VPS26A: variants seen among roughly 807,000 people sequenced by gnomAD.
VPS26A encodes the protein VPS26 retromer complex component A.
A neutral mutation model predicts 42.4 loss-of-function variants in VPS26A; 22 were observed. The ratio of observed to expected loss-of-function variants is 0.52; its 90% CI spans 0.37 to 0.74. The LOEUF (loss-of-function observed/expected upper bound fraction) is 0.74. VPS26A is among the 30% of genes least tolerant of loss of function. The pLI is 0.00. For missense variants in VPS26A, 276 were observed against 379.2 expected (o/e 0.73, Z 2.26); for synonymous variants, 110 against 123.5 (o/e 0.89, Z 0.73).
rs774712656 is a variant in VPS26A, at chr10:69,173,500, T to C, written c.*2231T>C. Reference sequence around the variant, plus strand: ...AGCTGGGCATGGTGGCATGCACCTGTATTTCCAGCTATTTAGGAAGCTGAG... The same window carrying C: ...AGCTGGGCATGGTGGCATGCACCTGCATTTCCAGCTATTTAGGAAGCTGAG... On this transcript the variant is annotated 3_prime_UTR_variant, in exon 9 of 9. Transcript: ENST00000263559. 5.9e-5 allele frequency among the ~76,000 whole-genome samples: 9 copies of C among 152,058 alleles called. No individual in the cohort carries two copies. Among genetic ancestry groups the C allele is most frequent in the Non-Finnish European group, 1.2e-4 (8 of 68,018 alleles).
Position 69,133,065 on chromosome 10 carries a change from C to T in VPS26A, c.153+18C>T. 1 of 1,602,450 alleles carries T rather than the reference C, an allele frequency of 6.2e-7. No individual in the cohort carries two copies. Among genetic ancestry groups the T allele is most frequent in the Non-Finnish European group, 8.5e-7 (1 of 1,176,328 alleles). ...CAGGAAAGGTAAATCTTCTGTTTGA[C>T]AAAACTATCTAATTGTAAGATATCA... is the stretch of plus-strand genomic sequence containing the variant. On this transcript the variant is annotated intron_variant, in intron 2 of 8. Coordinates refer to ENST00000263559, the MANE Select transcript of VPS26A (RefSeq NM_004896.5).
intron 6 of VPS26A, among the ~76,000 whole-genome samples, chr10:69,163,044 A>G (rs1841596055): frequency 6.6e-6 from 1 of 152,366 alleles, no homozygotes; most frequent in Admixed American, 6.5e-5. Flanking sequence ...TGTATAATGC[A>G]TACTTCGCTT....
In VPS26A at chr10:69,172,576, T is replaced by TA. The variant is rs1292646678; in HGVS notation, c.*1308dup. On this transcript the variant is annotated 3_prime_UTR_variant, in exon 9 of 9. Transcript: ENST00000263559. Reference sequence around the variant, plus strand: ...CATTTCTTTAAACCTGTTTTACTACTATGGCACTTTGATAAAATGGTCAGG... The same window carrying TA: ...CATTTCTTTAAACCTGTTTTACTACTAATGGCACTTTGATAAAATGGTCAGG... The TA allele has an allele frequency of 6.6e-6, 1 of 152,648 alleles. No homozygotes were observed. Among genetic ancestry groups the TA allele is most frequent in the Non-Finnish European group, 1.5e-5 (1 of 68,032 alleles). 9.5% of individuals were successfully genotyped at this position (152,648 alleles called of 1,614,324 possible).
chr10:69,150,304 C>T (rs1841274142), intron 2 of VPS26A, among the ~76,000 whole-genome samples: 1 of 152,188 alleles, frequency 6.6e-6, no homozygotes, highest in African/African-American at 2.4e-5. Context: ...GGTCCGCTCA[C>T]CTCAGCCTCC....
Position 69,153,903 on chromosome 10 carries a change from G to T in VPS26A, c.154-1909G>T, listed in dbSNP as rs114834704. ...CATCTTTCAATAGTAGCCAGCACAG[G>T]GCTGGGTACATTCAGTGAACAAGTG... On this transcript the variant is annotated intron_variant, in intron 2 of 8. Transcript: ENST00000263559. Among the ~76,000 whole-genome samples, 380 of 152,240 alleles carry T rather than the reference G, an allele frequency of 2.5e-3. 1 individual carries two copies. The highest frequency in any genetic ancestry group is 9.0e-3 in the African/African-American group (375 of 41,536).
intron 1 of VPS26A, among the ~76,000 whole-genome samples, chr10:69,132,536 G>C (rs952117695): frequency 6.6e-6 from 1 of 151,250 alleles, no homozygotes; most frequent in African/African-American, 2.4e-5. Flanking sequence ...TCTGCCTCCT[G>C]GATTCAAGTG....
intron 2 of VPS26A, among the ~76,000 whole-genome samples, chr10:69,135,228 G>T (rs754817386): frequency 3.3e-5 from 5 of 152,150 alleles, no homozygotes; most frequent in African/African-American, 9.7e-5. Context: ...ATACATGATA[G>T]TGTTGATTAT....
At chr10:69,150,326 G>T (rs1841274664) in intron 2 of VPS26A, among the ~76,000 whole-genome samples, 1 of 152,212 alleles carries the variant, frequency 6.6e-6, no homozygotes, top group African/African-American at 2.4e-5. Context: ...AAAGTGCTGG[G>T]ATTACAGGCG....
At chr10:69,162,132 C>A (rs956213112) in intron 5 of VPS26A, among the ~76,000 whole-genome samples, 2 of 151,846 alleles carry the variant, frequency 1.3e-5, no homozygotes, top group East Asian at 1.9e-4. Flanking sequence ...GCAGGGATCA[C>A]AAGCATGTGC....
chr10:69,143,302 A>G (rs12415491), intron 2 of VPS26A, among the ~76,000 whole-genome samples: 2 of 152,206 alleles, frequency 1.3e-5, no homozygotes, highest in Non-Finnish European at 2.9e-5. Flanking sequence ...GATCTCACCT[A>G]TAAGTTTAGG....
In VPS26A at chr10:69,157,258, A is replaced by G. The variant is rs556733266; in HGVS notation, c.386+95A>G. On this transcript the variant is annotated intron_variant, in intron 4 of 8. Transcript: ENST00000263559. ...TTTGAACCTCTAATTATAATTCTGT[A>G]TTGGAAGATTTAAGATTTTTAAAAA... 3.4e-5 allele frequency: 48 copies of G among 1,426,208 alleles called. No homozygotes were observed. The African/African-American group carries it at 6.6e-4, about 19-fold the overall frequency. 88.3% of individuals were successfully genotyped at this position (1,426,208 alleles called of 1,614,324 possible). A position where few individuals can be genotyped will look rare whatever the true frequency, so the allele number is the denominator to read the frequency against.
At chr10:69,145,122 G>T (rs1434871884) in intron 2 of VPS26A, among the ~76,000 whole-genome samples, 2 of 151,950 alleles carry the variant, frequency 1.3e-5, no homozygotes, top group African/African-American at 2.4e-5. Flanking sequence ...TGAAACCTCC[G>T]CGTCCCGGGT....
chr10:69,167,205 G>A (rs1396504405), intron 7 of VPS26A, among the ~76,000 whole-genome samples: 2 of 152,040 alleles, frequency 1.3e-5, no homozygotes, highest in Non-Finnish European at 2.9e-5. Context: ...CAAAGTGGGT[G>A]GATTGCTTGA....
At chr10:69,166,398 A>G (rs575096658) in intron 7 of VPS26A, among the ~76,000 whole-genome samples, 14 of 152,146 alleles carry the variant, frequency 9.2e-5, no homozygotes, top group Non-Finnish European at 1.9e-4. Flanking sequence ...CTATTATACA[A>G]TAGTTCGTCT....
chr10:69,170,139 C>T (rs1411911265), intron 8 of VPS26A: 1 of 152,148 alleles, frequency 6.6e-6, no homozygotes, highest in African/African-American at 2.4e-5. Flanking sequence ...CTTTTATAAA[C>T]ATGATCTGTC....
chr10:69,153,334 G>A (rs1841362656), intron 2 of VPS26A, among the ~76,000 whole-genome samples: 1 of 151,636 alleles, frequency 6.6e-6, no homozygotes, highest in South Asian at 2.1e-4. Context: ...ACAGGCATGA[G>A]CCACTGTGCC....
At chr10:69,126,395 G>A (rs1840655230) in intron 1 of VPS26A, among the ~76,000 whole-genome samples, 1 of 152,028 alleles carries the variant, frequency 6.6e-6, no homozygotes, top group African/African-American at 2.4e-5. Flanking sequence ...CCAACATGGT[G>A]AAACTCCGTC....
chr10:69,127,999 CT>C (rs1356890474), intron 1 of VPS26A, among the ~76,000 whole-genome samples: 1 of 151,714 alleles, frequency 6.6e-6, no homozygotes, highest in African/African-American at 2.4e-5. Context: ...TGTTCTGCTA[CT>C]TTTTTTAAAA....
intron 1 of VPS26A, among the ~76,000 whole-genome samples, chr10:69,124,582 C>T (rs1483964695): frequency 6.6e-6 from 1 of 152,180 alleles, no homozygotes; most frequent in African/African-American, 2.4e-5. Flanking sequence ...CCCGCCTCTG[C>T]GGGGGCTGGT....
Sources: gnomAD v4.1 joint callset for allele counts (sites outside exome capture counted in the v4.1 genomes callset) on GRCh38, gnomAD v4.1.1 for gene constraint, MANE v1.5 for transcripts, NCBI Gene and HGNC (gene_info 2026-07-23, HGNC 2026-07-21) for gene names.